RIOK2: variants seen among roughly 807,000 people sequenced by gnomAD.
RIOK2 encodes RIO kinase 2, also known as serine/threonine-protein kinase RIO2.
RIOK2 carries 46 observed loss-of-function variants against 62.4 expected under a neutral mutation model. That is an observed-to-expected ratio of 0.74 (90% CI 0.58 to 0.94). The LOEUF (loss-of-function observed/expected upper bound fraction) is 0.94. Ranked by LOEUF, RIOK2 falls within the 40% of genes least tolerant of loss-of-function variation. RIOK2 has a pLI of 0.00. For synonymous variants in RIOK2, 197 were observed against 216.0 expected (o/e 0.91, Z 0.77); for missense variants, 574 against 658.0 (o/e 0.87, Z 1.40).
rs937766393 is a variant in RIOK2 at position 97,161,480 on chromosome 5, A to C, written c.*1581T>G. On this transcript the variant is annotated 3_prime_UTR_variant, in exon 10 of 10. Coordinates refer to ENST00000283109, the MANE Select transcript of RIOK2 (RefSeq NM_018343.3). ...AACCAAAACAACATATCCAAAAAAA[A>C]CTAAATTCCTTAACAGATCATTTAT... is the stretch of plus-strand genomic sequence containing the variant. 3.9e-5 allele frequency: 6 copies of C among 152,228 alleles called. No individual in the cohort carries two copies. The highest frequency in any genetic ancestry group is 7.4e-5 in the Non-Finnish European group (5 of 68,024). 9.4% of individuals were successfully genotyped at this position (152,228 alleles called of 1,614,324 possible).
intron 3 of RIOK2, among the ~76,000 whole-genome samples, chr5:97,177,498 G>A (rs912363119): frequency 3.3e-5 from 5 of 152,076 alleles, no homozygotes; most frequent in African/African-American, 1.2e-4. Context: ...GATATATCTT[G>A]GGAGTTATTA....
At chr5:97,166,909 G>T in intron 8 of RIOK2, 1 of 967,184 alleles carries the variant, frequency 1.0e-6, no homozygotes, top group Non-Finnish European at 1.2e-6. Context: ...AAAATCATCA[G>T]TTTGTATATA....
intron 6 of RIOK2, among the ~76,000 whole-genome samples, chr5:97,169,965 A>G (rs570323144): frequency 6.6e-6 from 1 of 151,628 alleles, no homozygotes; most frequent in South Asian, 2.1e-4. Context: ...AGTGCCAGGC[A>G]TTAATCTTTT....
chr5:97,182,967 TA>T, intron 1 of RIOK2, 158 bp downstream of exon 1: 1 of 825,810 alleles, frequency 1.2e-6, no homozygotes. Context: ...AAAACCTTTT[TA>T]AAAATCCGAC....
chr5:97,179,994 T>A (rs13162506), intron 1 of RIOK2, among the ~76,000 whole-genome samples: 2 of 48,260 alleles, frequency 4.1e-5, no homozygotes, highest in South Asian at 6.6e-4. Context: ...ATATATAAAA[T>A]ATATATATAT....
chr5:97,167,995 G>GA lies in RIOK2; in HGVS notation c.873-5dup, dbSNP rs772074903. The GA allele has an allele frequency of 2.3e-5, 36 of 1,561,072 alleles. No homozygotes were observed. The highest frequency in any genetic ancestry group is 8.3e-5 in the South Asian group (7 of 84,710). ...CACATCAAGAGTGTCTTCTCTCCTA[G>GA]AAAAAAAAGGCGTCAAGCATAGAAA... On this transcript the variant is annotated splice_polypyrimidine_tract_variant and splice_region_variant and intron_variant, in intron 7 of 9. Coordinates refer to ENST00000283109, the MANE Select transcript of RIOK2 (RefSeq NM_018343.3).
At chr5:97,176,753 TG>T (rs1415616088) in intron 4 of RIOK2, among the ~76,000 whole-genome samples, 2 of 152,230 alleles carry the variant, frequency 1.3e-5, no homozygotes, top group African/African-American at 4.8e-5. Context: ...AATTACCTGG[TG>T]TTTTCAATTA....
chr5:97,179,989 TAA>T (rs1292242564), intron 1 of RIOK2, among the ~76,000 whole-genome samples: 12 of 46,680 alleles, frequency 2.6e-4, no homozygotes, highest in African/African-American at 1.1e-3. Flanking sequence ...TATATATATA[TAA>T]AATATATATA....
chr5:97,165,164 C>G lies in RIOK2; in HGVS notation c.1398-17G>C. ...TCTTCATCTCTAAAATTAAAAAACCCACAATTTATCTAGTTAATTTGTATA... is the reference window on the plus strand; with the variant it reads ...TCTTCATCTCTAAAATTAAAAAACCGACAATTTATCTAGTTAATTTGTATA... On this transcript the variant is annotated splice_polypyrimidine_tract_variant and intron_variant, in intron 8 of 9. Coordinates refer to ENST00000283109, the MANE Select transcript of RIOK2 (RefSeq NM_018343.3). 1 of 1,237,458 alleles carries G rather than the reference C, an allele frequency of 8.1e-7. No individual in the cohort carries two copies. Among genetic ancestry groups the G allele is most frequent in the Non-Finnish European group, 1.1e-6 (1 of 924,814 alleles). 76.7% of individuals were successfully genotyped at this position (1,237,458 alleles called of 1,614,324 possible). A position where few individuals can be genotyped will look rare whatever the true frequency, so the allele number is the denominator to read the frequency against.
At position 97,179,124 on chromosome 5, in the gene RIOK2, G is replaced by A; in HGVS notation, c.136C>T (p.His46Tyr). The change falls in exon 2 of 10, where the codon CAT becomes TAT. Residue 46 changes from histidine to tyrosine, a missense_variant. Transcript: ENST00000283109. ...SLIASIASLK[H>Y]GGCNKVLREL... is the part of the protein sequence containing the mutation. ...CTTAAAACTTTATTACAGCCACCAT[G>A]TTTAAGGCTGGCTATAGAAGCAATC... 1 of 1,613,646 alleles carries A rather than the reference G, an allele frequency of 6.2e-7. No homozygotes were observed. The highest frequency in any genetic ancestry group is 1.3e-5 in the African/African-American group (1 of 75,052).
chr5:97,183,176 C>T lies in RIOK2; in HGVS notation c.16G>A (p.Val6Met), dbSNP rs1449626850. The T allele has an allele frequency of 1.2e-6, 2 of 1,614,070 alleles. No individual in the cohort carries two copies. The highest frequency in any genetic ancestry group is 1.7e-6 in the Non-Finnish European group (2 of 1,180,014). Residue 6 changes from valine to methionine, a missense_variant, in exon 1 of 10, where the codon GTG (valine) becomes ATG (methionine). Coordinates refer to ENST00000283109, the MANE Select transcript of RIOK2 (RefSeq NM_018343.3). ...CGGCTCATGTAACGCAACTTGGCCA[C>T]ATTCACTTTCCCCATGGCGGCCCCA... MGKVN[V>M]AKLRYMSRDD...
rs189172126 is a variant in RIOK2 at position 97,166,073 on chromosome 5, T to C, written c.1398-926A>G. ...TTCTTTGGATGTGGACTGGAACTTA[T>C]GCTATTGTCTCTTCTGGTTCTTAGC... On this transcript the variant is annotated intron_variant, in intron 8 of 9. Coordinates refer to ENST00000283109, the MANE Select transcript of RIOK2 (RefSeq NM_018343.3). 1.9e-3 allele frequency among the ~76,000 whole-genome samples: 291 copies of C among 152,350 alleles called. 1 individual carries two copies. The highest frequency in any genetic ancestry group is 6.9e-3 in the African/African-American group (285 of 41,584).
intron 4 of RIOK2, 156 bp downstream of exon 4, chr5:97,176,960 T>C: frequency 1.6e-6 from 1 of 641,334 alleles, no homozygotes; most frequent in South Asian, 2.0e-5. Flanking sequence ...AGAGCCCAAA[T>C]AATCAACAGA....
intron 3 of RIOK2, among the ~76,000 whole-genome samples, 176 bp downstream of exon 3, chr5:97,177,556 C>A (rs539068562): frequency 2.0e-5 from 3 of 152,206 alleles, no homozygotes; most frequent in African/African-American, 7.2e-5. Context: ...GATAGACGTT[C>A]AGAGAAAATA....
Position 97,177,295 on chromosome 5 carries a change from G to C in RIOK2, c.323-4C>G. Reference sequence around the variant, plus strand: ...TCATTTGCAACAATGTAAATATCTAGAGACAAAATTTCAAAAACAACCATT... The same window carrying C: ...TCATTTGCAACAATGTAAATATCTACAGACAAAATTTCAAAAACAACCATT... On this transcript the variant is annotated splice_region_variant and splice_polypyrimidine_tract_variant and intron_variant, in intron 3 of 9. Transcript: ENST00000283109. 1 of 1,603,712 alleles carries C rather than the reference G, an allele frequency of 6.2e-7. No individual in the cohort carries two copies. The highest frequency in any genetic ancestry group is 8.5e-7 in the Non-Finnish European group (1 of 1,175,874).
intron 4 of RIOK2, 31 bp from the exon 5 acceptor site, chr5:97,173,294 T>C (rs17087396): frequency 0.11 from 152,975 of 1,378,140 alleles, 9,580 homozygotes; most frequent in African/African-American, 0.26. Context: ...TGTAAGCTAA[T>C]GAACAGGTCA....
At chr5:97,174,846 GTGA>G (rs1213516761) in intron 4 of RIOK2, among the ~76,000 whole-genome samples, 3 of 152,106 alleles carry the variant, frequency 2.0e-5, no homozygotes, top group Admixed American at 2.0e-4. Flanking sequence ...GCCGAGGTGG[GTGA>G]ATCTCTTGAG....
At chr5:97,177,980 G>C (rs1731555361) in intron 2 of RIOK2, 132 bp from the exon 3 acceptor site, 1 of 601,750 alleles carries the variant, frequency 1.7e-6, no homozygotes, top group Non-Finnish European at 2.9e-6. Flanking sequence ...AGGCTCACAA[G>C]CTTCCAATTT....
chr5:97,181,838 T>C (rs954532970), intron 1 of RIOK2, among the ~76,000 whole-genome samples: 6 of 152,188 alleles, frequency 3.9e-5, no homozygotes, highest in Non-Finnish European at 5.9e-5. Flanking sequence ...AAGGAAGGTA[T>C]CTTTCCGAAG....
Sources: gnomAD v4.1 joint callset for allele counts (sites outside exome capture counted in the v4.1 genomes callset) on GRCh38, gnomAD v4.1.1 for gene constraint, MANE v1.5 for transcripts, NCBI Gene and HGNC (gene_info 2026-07-23, HGNC 2026-07-21) for gene names.